The following RAB10 variants were observed in gnomAD, a reference collection of about 807,000 sequenced individuals.
RAB10 encodes ras-related protein Rab-10.
Under a neutral mutation model 25.7 loss-of-function variants are expected in RAB10, and 5 were observed. The ratio of observed to expected loss-of-function variants is 0.19; its 90% CI spans 0.10 to 0.41. The LOEUF is 0.41. Ranked by LOEUF, RAB10 falls within the 10% of genes least tolerant of loss-of-function variation. The pLI is 1.00. For synonymous variants in RAB10, 89 were observed against 86.4 expected (o/e 1.03, Z -0.16); for missense variants, 103 against 245.8 (o/e 0.42, Z 3.89).
chr2:26,120,176 G>A (rs981842897), intron 3 of RAB10, among the ~76,000 whole-genome samples: 1 of 152,182 alleles, frequency 6.6e-6, no homozygotes, highest in Admixed American at 6.5e-5. Flanking sequence ...TTCTCTTTGA[G>A]TGGAGGTTCA....
intron 1 of RAB10, among the ~76,000 whole-genome samples, chr2:26,040,056 T>C (rs919714957): frequency 6.6e-6 from 1 of 152,208 alleles, no homozygotes; most frequent in Non-Finnish European, 1.5e-5. Flanking sequence ...GTCTAAACAA[T>C]GTAAAGTAGC....
chr2:26,134,890 C>A, intron 5 of RAB10, 48 bp from the exon 6 acceptor site: 1 of 1,423,202 alleles, frequency 7.0e-7, no homozygotes, highest in South Asian at 1.2e-5. Flanking sequence ...TGATTTTATC[C>A]ATGGCAGTGT....
At position 26,088,449 on chromosome 2, in the gene RAB10, A is replaced by G. The variant is rs573046307; in HGVS notation, c.128-10213A>G. ...ATCAAACCCTGTGATTTCTGTGCTA[A>G]TTTAGCAAATGGTAATGTTGCAGGA... On this transcript the variant is annotated intron_variant, in intron 1 of 5. Transcript: ENST00000264710. Among the ~76,000 whole-genome samples the G allele has an allele frequency of 7.2e-5, 11 of 152,308 alleles. No homozygotes were observed. In the South Asian group the frequency reaches 2.3e-3, roughly 32 times the overall value.
chr2:26,049,257 CT>C (rs1373919893), intron 1 of RAB10, among the ~76,000 whole-genome samples: 1 of 150,632 alleles, frequency 6.6e-6, no homozygotes, highest in East Asian at 1.9e-4. Flanking sequence ...ATATGAAGGC[CT>C]TTTCCCCTCT....
chr2:26,035,410 C>T (rs1665744351), intron 1 of RAB10, among the ~76,000 whole-genome samples: 1 of 152,138 alleles, frequency 6.6e-6, no homozygotes, highest in African/African-American at 2.4e-5. Flanking sequence ...GCTCTCTCTT[C>T]TATTTTATTT....
At chr2:26,039,917 A>T (rs527334885) in intron 1 of RAB10, among the ~76,000 whole-genome samples, 1 of 151,794 alleles carries the variant, frequency 6.6e-6, no homozygotes, top group Non-Finnish European at 1.5e-5. Flanking sequence ...TATGCTTACA[A>T]CTCATCTCAG....
intron 5 of RAB10, among the ~76,000 whole-genome samples, chr2:26,134,198 C>T (rs1362980061): frequency 6.6e-6 from 1 of 152,078 alleles, no homozygotes; most frequent in Admixed American, 6.6e-5. Flanking sequence ...CCACTGCAGC[C>T]TTGAACTCCT....
rs1274583691 is a variant in RAB10, at chr2:26,133,661, T to TTTTTTC, written c.520-1259_520-1254dup. Among the ~76,000 whole-genome samples the TTTTTTC allele has an allele frequency of 2.0e-4, 30 of 152,248 alleles. No homozygotes were observed. The Middle Eastern group carries it at 0.01, about 52-fold the overall frequency. ...CTTTTAAAATACTGTATTCTGATTTTTTTTTCTTTTTCTTTTTCTTTTTAT... is the reference window on the plus strand; with the variant it reads ...CTTTTAAAATACTGTATTCTGATTTTTTTTTCTTTTTCTTTTTCTTTTTCTTTTTAT... On this transcript the variant is annotated intron_variant, in intron 5 of 5. Coordinates refer to ENST00000264710, the MANE Select transcript of RAB10 (RefSeq NM_016131.5).
chr2:26,124,943 T>TAC, intron 3 of RAB10, among the ~76,000 whole-genome samples: 2 of 152,230 alleles, frequency 1.3e-5, no homozygotes, highest in Non-Finnish European at 2.9e-5. Flanking sequence ...AGAACTTGTT[T>TAC]ATTTTTTGAG....
Position 26,034,742 on chromosome 2 carries a change from C to T in RAB10, c.127+7C>T, listed in dbSNP as rs183303824. On this transcript the variant is annotated splice_region_variant and intron_variant, in intron 1 of 5. Transcript: ENST00000264710. ...ACCTTTATTTCCACCATAGGTAAGA[C>T]CTGTGGGAGGACGGTGTACGGTCTC... 1.2e-4 allele frequency: 188 copies of T among 1,614,156 alleles called. 1 individual carries two copies. The Admixed American group carries it at 2.8e-3, about 24-fold the overall frequency.
intron 3 of RAB10, among the ~76,000 whole-genome samples, chr2:26,117,637 A>C (rs72807801): frequency 0.73 from 101,045 of 137,674 alleles, 36,818 homozygotes; most frequent in East Asian, 0.82. Flanking sequence ...AAAAAAAAAC[A>C]AAAAAAACAA....
At chr2:26,056,877 C>G (rs1490436966) in intron 1 of RAB10, among the ~76,000 whole-genome samples, 4 of 152,128 alleles carry the variant, frequency 2.6e-5, no homozygotes, top group Non-Finnish European at 5.9e-5. Context: ...ATCCTCTTGC[C>G]TCCTAAAGTG....
At chr2:26,098,127 T>C (rs1478501694) in intron 1 of RAB10, among the ~76,000 whole-genome samples, 5 of 134,598 alleles carry the variant, frequency 3.7e-5, no homozygotes, top group Admixed American at 1.5e-4. Flanking sequence ...TTTTTTTTTT[T>C]TTTTTTTTTT....
In RAB10 at chr2:26,043,819, T is replaced by C. The variant is rs911828267; in HGVS notation, c.127+9084T>C. On this transcript the variant is annotated intron_variant, in intron 1 of 5. Coordinates refer to ENST00000264710, the MANE Select transcript of RAB10 (RefSeq NM_016131.5). Reference sequence around the variant, plus strand: ...GAAAAAGTTCCAGAGAGGAATAGTGTTGATGGTTGTATAACAGTGTGAATT... The same window carrying C: ...GAAAAAGTTCCAGAGAGGAATAGTGCTGATGGTTGTATAACAGTGTGAATT... Among the ~76,000 whole-genome samples, 5 of 152,282 alleles carry C rather than the reference T, an allele frequency of 3.3e-5. No individual in the cohort carries two copies. In the East Asian group the frequency reaches 9.6e-4, roughly 29 times the overall value.
chr2:26,074,630 GCTAGTCTCAAACTCCTGA>G (rs1666694280), intron 1 of RAB10, among the ~76,000 whole-genome samples: 1 of 152,118 alleles, frequency 6.6e-6, no homozygotes, highest in African/African-American at 2.4e-5. Context: ...TGTTAGCCAG[GCTAGTCTCAAACTCCTGA>G]CCTCAGGTGA....
chr2:26,041,395 G>A (rs1665880938), intron 1 of RAB10, among the ~76,000 whole-genome samples: 1 of 150,792 alleles, frequency 6.6e-6, no homozygotes, highest in South Asian at 2.1e-4. Flanking sequence ...ACAAAAATTA[G>A]CTAGGCATGG....
intron 3 of RAB10, among the ~76,000 whole-genome samples, chr2:26,116,203 G>A (rs1251482145): frequency 6.6e-6 from 1 of 152,000 alleles, no homozygotes; most frequent in East Asian, 1.9e-4. Flanking sequence ...ATATTTTTGA[G>A]ATGGGTGTCT....
chr2:26,113,403 G>A lies in RAB10; in HGVS notation c.327+3497G>A, dbSNP rs866625095. Among the ~76,000 whole-genome samples the A allele has an allele frequency of 3.3e-5, 5 of 151,940 alleles. No homozygotes were observed. The Middle Eastern group carries it at 0.01, about 310-fold the overall frequency. ...AGCCTGGCCAACATGGTGAAACCTCGTCTCTACTAAAAATACAAAAATCAG... is the reference window on the plus strand; with the variant it reads ...AGCCTGGCCAACATGGTGAAACCTCATCTCTACTAAAAATACAAAAATCAG... On this transcript the variant is annotated intron_variant, in intron 3 of 5. Coordinates refer to ENST00000264710, the MANE Select transcript of RAB10 (RefSeq NM_016131.5).
intron 1 of RAB10, among the ~76,000 whole-genome samples, chr2:26,089,876 C>A (rs1007913817): frequency 1.3e-5 from 2 of 151,976 alleles, no homozygotes; most frequent in African/African-American, 4.8e-5. Context: ...TTTTCTTTTT[C>A]GGACAACTTT....
Sources: allele counts gnomAD v4.1 joint callset (sites outside exome capture counted in the v4.1 genomes callset), GRCh38; gene constraint gnomAD v4.1.1; transcripts MANE v1.5; gene names NCBI Gene and HGNC (gene_info 2026-07-23, HGNC 2026-07-21).